Variants in TMF1 observed in about 807,000 individuals in gnomAD.
TMF1 encodes TATA element modulatory factor 1, also known as TATA element modulatory factor.
A neutral mutation model predicts 126.5 loss-of-function variants in TMF1; 71 were observed. The ratio of observed to expected loss-of-function variants is 0.56; its 90% confidence interval spans 0.46 to 0.68. The LOEUF is 0.68. Ranked by LOEUF, TMF1 falls within the 30% of genes least tolerant of loss-of-function variation. The pLI is 0.00. For synonymous variants in TMF1, 461 were observed against 430.5 expected, an observed-to-expected ratio of 1.07 and a Z score of -0.88; for missense variants, 1,259 against 1,253.2, an observed-to-expected ratio of 1.00 and a Z score of -0.07.
intron 5 of TMF1, among the ~76,000 whole-genome samples, chr3:69,042,110 C>T (rs931973201): frequency 2.0e-5 from 3 of 152,102 alleles, no homozygotes; most frequent in African/African-American, 7.2e-5. Context: ...GATCTTGGCT[C>T]ACTGCAACCT....
At position 69,052,146 on chromosome 3, in the gene TMF1, G is replaced by C. The variant is rs961562163; in HGVS notation, c.-60C>G. ...CCAAGCGGGAAGGCCTCAGGCCTGG[G>C]GAAGGGTGCAGAGGAACGGCTTCGC... is the stretch of plus-strand genomic sequence containing the variant. On this transcript the variant is annotated 5_prime_UTR_variant, in exon 1 of 17. Coordinates refer to ENST00000398559, the MANE Select transcript of TMF1 (RefSeq NM_007114.3). 1.1e-5 allele frequency: 17 copies of C among 1,557,844 alleles called. No individual in the cohort carries two copies. The African/African-American group carries it at 2.2e-4, about 20-fold the overall frequency.
Position 69,023,913 on chromosome 3 carries a change from C to G in TMF1, c.3138+142G>C, listed in dbSNP as rs2091752452. 1.1e-5 allele frequency: 8 copies of G among 726,070 alleles called. No individual in the cohort carries two copies. The South Asian group carries it at 2.1e-4, about 19-fold the overall frequency. The allele number at this position is 726,070 out of a possible 1,614,324, so 45.0% of individuals were successfully genotyped here. ...AAAGATACAAGCAAGATAAAAGATT[C>G]ATTTTTAAACTTCTTTGCTCAAATA... On this transcript the variant is annotated intron_variant, in intron 16 of 16. Coordinates refer to ENST00000398559, the MANE Select transcript of TMF1 (RefSeq NM_007114.3).
Position 69,047,542 on chromosome 3 carries a change from G to A in TMF1, c.1163C>T (p.Thr388Ile). ...EEVNETLVIPTEEAEMEESGR... is the reference protein window; with the variant it reads ...EEVNETLVIPIEEAEMEESGR... ...ACTTTCTTCCATTTCTGCTTCCTCA[G>A]TGGGTATAACTAATGTTTCATTTAC... The change falls in exon 2 of 17, where the codon ACT becomes ATT. Residue 388 changes from threonine to isoleucine, a missense_variant. Coordinates refer to ENST00000398559, the MANE Select transcript of TMF1 (RefSeq NM_007114.3). The A allele has an allele frequency of 6.2e-7, 1 of 1,614,102 alleles. No individual in the cohort carries two copies.
At position 69,047,262 on chromosome 3, in the gene TMF1, T is replaced by C. The variant is rs1420704222; in HGVS notation, c.1347+96A>G. 7 of 1,380,918 alleles carry C rather than the reference T, an allele frequency of 5.1e-6. No homozygotes were observed. In the East Asian group the frequency reaches 9.3e-5, roughly 18 times the overall value. The allele number at this position is 1,380,918 out of a possible 1,614,324, so 85.5% of individuals were successfully genotyped here. On this transcript the variant is annotated intron_variant, in intron 2 of 16. Transcript: ENST00000398559. ...CAAAATGCGTATGTTTTTAAATCTGTATAAATTATTATGCATCAATGAAAG... is the reference window on the plus strand; with the variant it reads ...CAAAATGCGTATGTTTTTAAATCTGCATAAATTATTATGCATCAATGAAAG...
At position 69,035,094 on chromosome 3, in the gene TMF1, A is replaced by G. The variant is rs2091825039; in HGVS notation, c.2173T>C (p.Leu725=). ...AIQVGDLRLA[L]QRTEQAAARK... The stretch of plus-strand genomic sequence containing the variant: ...GCAGCCGCTTGTTCTGTACGCTGCA[A>G]TGCAAGCCTAAGGTCCCCCACCTGT... The change falls in exon 9 of 17, where the codon TTG becomes CTG. Residue 725 remains leucine, a synonymous_variant. Transcript: ENST00000398559. 1.9e-6 allele frequency: 3 copies of G among 1,614,188 alleles called. No individual in the cohort carries two copies. The highest frequency in any genetic ancestry group is 2.5e-6 in the Non-Finnish European group (3 of 1,180,006).
At position 69,024,027 on chromosome 3, in the gene TMF1, G is replaced by T; in HGVS notation, c.3138+28C>A. On this transcript the variant is annotated intron_variant, in intron 16 of 16. Transcript: ENST00000398559. The stretch of plus-strand genomic sequence containing the variant: ...AAAGTAAATGAACTAAAATATCTTA[G>T]ACTCATCCTTAGGTGAAGAATACTT... 3 of 1,579,140 alleles carry T rather than the reference G, an allele frequency of 1.9e-6. No individual in the cohort carries two copies. In the South Asian group the frequency reaches 3.6e-5, roughly 19 times the overall value.
chr3:69,045,811 G>A (rs1247525783), intron 2 of TMF1, among the ~76,000 whole-genome samples: 1 of 152,124 alleles, frequency 6.6e-6, no homozygotes, highest in African/African-American at 2.4e-5. Flanking sequence ...TATAATCCCA[G>A]CACTGTGGGA....
rs931065500 is a variant in TMF1, at chr3:69,021,292, T to C, written c.*1885A>G. On this transcript the variant is annotated 3_prime_UTR_variant, in exon 17 of 17. Transcript: ENST00000398559. ...CTATACTATCCATGGTTTCAGACGT[T>C]CACTGGGGGTCTTGGAACGTATGTC... 1 of 152,616 alleles carries C rather than the reference T, an allele frequency of 6.6e-6. No homozygotes were observed. The highest frequency in any genetic ancestry group is 2.1e-4 in the South Asian group (1 of 4,832). The allele number at this position is 152,616 out of a possible 1,614,324, so 9.5% of individuals were successfully genotyped here.
intron 10 of TMF1, 103 bp from the exon 11 acceptor site, chr3:69,030,110 C>T: frequency 2.1e-6 from 2 of 969,014 alleles, no homozygotes; most frequent in Non-Finnish European, 3.0e-6. Flanking sequence ...AGTAGCCACA[C>T]TTAAAACTGA....
At chr3:69,050,251 C>T (rs1014293711) in intron 1 of TMF1, among the ~76,000 whole-genome samples, 1 of 144,490 alleles carries the variant, frequency 6.9e-6, no homozygotes. Flanking sequence ...CAGAGTGAGA[C>T]TGTGTCTCAA....
intron 1 of TMF1, 77 bp downstream of exon 1, chr3:69,051,868 T>C: frequency 6.5e-7 from 1 of 1,531,100 alleles, no homozygotes; most frequent in Non-Finnish European, 8.8e-7. Flanking sequence ...AGGACCCCTC[T>C]CTACACCACT....
chr3:69,037,242 C>T (rs1230574084), intron 8 of TMF1, among the ~76,000 whole-genome samples: 1 of 152,236 alleles, frequency 6.6e-6, no homozygotes, highest in Non-Finnish European at 1.5e-5. Flanking sequence ...CGCCTGTAAT[C>T]CCCGCACTTT....
At chr3:69,039,722 AATG>A (rs750561259) in intron 5 of TMF1, 29 bp from the exon 6 acceptor site, 2 of 1,591,258 alleles carry the variant, frequency 1.3e-6, no homozygotes, top group South Asian at 2.3e-5. Context: ...TATAAACTCA[AATG>A]ATAACTATTC....
chr3:69,032,163 C>T (rs2107459218), intron 10 of TMF1, among the ~76,000 whole-genome samples: 1 of 152,074 alleles, frequency 6.6e-6, no homozygotes, highest in South Asian at 2.1e-4. Context: ...CTAGAGAAGC[C>T]CAGCCTCTTA....
At position 69,025,747 on chromosome 3, in the gene TMF1, G is replaced by A. The variant is rs561286054; in HGVS notation, c.2860-35C>T. 3 of 1,588,308 alleles carry A rather than the reference G, an allele frequency of 1.9e-6. No homozygotes were observed. In the South Asian group the frequency reaches 3.4e-5, roughly 18 times the overall value. On this transcript the variant is annotated intron_variant, in intron 14 of 16. Coordinates refer to ENST00000398559, the MANE Select transcript of TMF1 (RefSeq NM_007114.3). ...TTAAGAAAGTTCACACAGTTACTCA[G>A]TTATCATAGCTTGTCTTCCATTACC...
At position 69,028,225 on chromosome 3, in the gene TMF1, C is replaced by A; in HGVS notation, c.2664+1G>T. 6.2e-7 allele frequency: 1 copy of A among 1,611,870 alleles called. No homozygotes were observed. Among genetic ancestry groups the A allele is most frequent in the Non-Finnish European group, 8.5e-7 (1 of 1,178,340 alleles). On this transcript the variant is annotated splice_donor_variant, in intron 12 of 16. Transcript: ENST00000398559. LOFTEE classifies it high-confidence loss of function. The stretch of plus-strand genomic sequence containing the variant: ...AGCTGAGTGGTCACGAAGAGAAATA[C>A]CTTTTCTTTCCTCGTCTCTTCAAGT...
At chr3:69,036,462 G>A (rs1427270081) in intron 8 of TMF1, among the ~76,000 whole-genome samples, 1 of 152,182 alleles carries the variant, frequency 6.6e-6, no homozygotes, top group Admixed American at 6.5e-5. Flanking sequence ...ATGTAAAAAG[G>A]ATGTAGGAGA....
intron 4 of TMF1, 97 bp downstream of exon 4, chr3:69,043,653 A>T: frequency 8.5e-7 from 1 of 1,174,746 alleles, no homozygotes; most frequent in Non-Finnish European, 1.2e-6. Flanking sequence ...TTTTCACCTT[A>T]CTTCTCTTTT....
intron 15 of TMF1, 56 bp downstream of exon 15, chr3:69,025,504 T>C (rs2091762900): frequency 6.6e-7 from 1 of 1,512,872 alleles, no homozygotes; most frequent in African/African-American, 1.4e-5. Context: ...AAGGGTGCTA[T>C]TTATTAGGCC....
Sources: allele counts gnomAD v4.1 joint callset (sites outside exome capture counted in the v4.1 genomes callset), GRCh38; gene constraint gnomAD v4.1.1; transcripts MANE v1.5; gene names NCBI Gene and HGNC (gene_info 2026-07-23, HGNC 2026-07-21).